Variants in CDKN2B-AS1 observed in about 807,000 individuals in gnomAD.
The protein encoded by CDKN2B-AS1 is CDKN2B and CDKN2A antisense cis and trans regulatory RNA 1.
At chr9:22,116,227 T>C (rs1825946610) in intron 4 of CDKN2B-AS1, among the ~76,000 whole-genome samples, 1 of 152,246 alleles carries the variant, frequency 6.6e-6, no homozygotes, top group Admixed American at 6.5e-5. Flanking sequence ...ATGATATGTA[T>C]ATCTGTTTGA....
At chr9:22,029,649 C>A in intron 1 of CDKN2B-AS1, 2 of 526,852 alleles carry the variant, frequency 3.8e-6, no homozygotes, top group Admixed American at 3.0e-5. Context: ...AAAAGAAGAG[C>A]CTTGGGGAAA....
intron 3 of CDKN2B-AS1, among the ~76,000 whole-genome samples, chr9:22,054,004 G>T (rs528220518): frequency 6.6e-6 from 1 of 152,140 alleles, no homozygotes; most frequent in African/African-American, 2.4e-5. Context: ...CCTGGGATAA[G>T]TTACTGACCC....
At chr9:22,063,004 G>T (rs188321257) in intron 4 of CDKN2B-AS1, among the ~76,000 whole-genome samples, 59,091 of 126,384 alleles carry the variant, frequency 0.47, 12,885 homozygotes, top group African/African-American at 0.6. Flanking sequence ...TATATAGAGA[G>T]AGAGAGAGAG....
At chr9:22,056,498 ACG>A (rs1205466629) in intron 4 of CDKN2B-AS1, 1 of 152,072 alleles carries the variant, frequency 6.6e-6, no homozygotes, top group Non-Finnish European at 1.5e-5. Context: ...AAAATAAAGG[ACG>A]GCTAAGTTTA....
At chr9:22,097,786 C>G (rs1259017989) in intron 4 of CDKN2B-AS1, among the ~76,000 whole-genome samples, 3 of 152,180 alleles carry the variant, frequency 2.0e-5, no homozygotes, top group African/African-American at 4.8e-5. Context: ...TGCTGCATTC[C>G]TCTAATCTCA....
intron 1 of CDKN2B-AS1, among the ~76,000 whole-genome samples, chr9:22,020,058 G>C (rs1487556519): frequency 6.6e-6 from 1 of 152,038 alleles, no homozygotes; most frequent in Non-Finnish European, 1.5e-5. Flanking sequence ...GGTGTGTGTT[G>C]TTCCCCTCTG....
At position 22,103,976 on chromosome 9, in the gene CDKN2B-AS1, C is replaced by T. The variant is rs796105534; in HGVS notation, n.439-23127C>T. Among the ~76,000 whole-genome samples the T allele has an allele frequency of 3.7e-4, 56 of 152,242 alleles. 1 individual carries two copies. Among genetic ancestry groups the T allele is most frequent in the African/African-American group, 1.1e-3 (47 of 41,540 alleles). ...AATTTTATCTATAAATATACATATA[C>T]GTAAATTCTATTGTGAAATAAAAAT... On this transcript the variant is annotated intron_variant and non_coding_transcript_variant, in intron 4 of 4. Coordinates refer to ENST00000650946, the Ensembl canonical transcript of CDKN2B-AS1.
chr9:22,002,964 T>A (rs1036450898), intron 1 of CDKN2B-AS1: 2 of 196,406 alleles, frequency 1.0e-5, no homozygotes, highest in Admixed American at 6.1e-5. Context: ...TGTCAGGTAG[T>A]AGAATTTGTA....
At chr9:22,108,104 A>G (rs1324171499) in intron 4 of CDKN2B-AS1, among the ~76,000 whole-genome samples, 2 of 152,144 alleles carry the variant, frequency 1.3e-5, no homozygotes, top group African/African-American at 2.4e-5. Flanking sequence ...TTTTTTTGTT[A>G]TATATTAGTT....
At chr9:22,027,215 G>A (rs184053662) in intron 1 of CDKN2B-AS1, among the ~76,000 whole-genome samples, 161 of 150,200 alleles carry the variant, frequency 1.1e-3, no homozygotes, top group African/African-American at 3.8e-3. Flanking sequence ...TTGATCTACC[G>A]CTTCTCTCTC....
At chr9:22,008,886 G>C (rs1399438560) in intron 1 of CDKN2B-AS1, 1 of 1,612,406 alleles carries the variant, frequency 6.2e-7, no homozygotes, top group East Asian at 2.2e-5. Flanking sequence ...TAGTCCCCGC[G>C]CCGCGGCGCT....
chr9:22,008,832 T>A lies in CDKN2B-AS1; in HGVS notation n.29+13671T>A, dbSNP rs375443156. 6 of 1,608,630 alleles carry A rather than the reference T, an allele frequency of 3.7e-6. No homozygotes were observed. The African/African-American group carries it at 8.0e-5, about 21-fold the overall frequency. ...GCGCCTCCCGAAACGGTTGACTCCG[T>A]TGGGATCCGCGCCGGCTTCCAGGAG... On this transcript the variant is annotated intron_variant and non_coding_transcript_variant, in intron 1 of 4. Coordinates refer to ENST00000650946, the Ensembl canonical transcript of CDKN2B-AS1.
chr9:22,016,083 G>A lies in CDKN2B-AS1; in HGVS notation n.29+20922G>A, dbSNP rs532171335. Among the ~76,000 whole-genome samples, 10 of 152,274 alleles carry A rather than the reference G, an allele frequency of 6.6e-5. 1 individual carries two copies. In the South Asian group the frequency reaches 2.1e-3, roughly 32 times the overall value. On this transcript the variant is annotated intron_variant and non_coding_transcript_variant, in intron 1 of 4. Coordinates refer to ENST00000650946, the Ensembl canonical transcript of CDKN2B-AS1. ...TGATGATAGTTTCTTTTGCTGTGCA[G>A]AAGCTCTTTAGTTTAATTAGATCCC...
At position 22,039,964 on chromosome 9, in the gene CDKN2B-AS1, T is replaced by C. The variant is rs1477131023; in HGVS notation, n.30-6787T>C. Among the ~76,000 whole-genome samples, 1 of 152,040 alleles carries C rather than the reference T, an allele frequency of 6.6e-6. No individual in the cohort carries two copies. The highest frequency in any genetic ancestry group is 2.4e-5 in the African/African-American group (1 of 41,442). On this transcript the variant is annotated intron_variant and non_coding_transcript_variant, in intron 1 of 4. Transcript: ENST00000650946. This position sits in a 1 kb window ranked among gnomAD's most constrained non-coding sequence, Gnocchi z 4.4. ...AAGGAGAATTTTGGCCATAGAGACATGCACTGGGAGAATGCTCTCTGAAGA... is the reference window on the plus strand; with the variant it reads ...AAGGAGAATTTTGGCCATAGAGACACGCACTGGGAGAATGCTCTCTGAAGA...
chr9:22,011,346 C>T (rs911219836), intron 1 of CDKN2B-AS1, among the ~76,000 whole-genome samples: 1 of 152,106 alleles, frequency 6.6e-6, no homozygotes, highest in Admixed American at 6.5e-5. Context: ...ATTTAGAAGA[C>T]GAGAAGAGAA....
chr9:22,096,950 T>G (rs190437390), intron 4 of CDKN2B-AS1, among the ~76,000 whole-genome samples: 113 of 152,232 alleles, frequency 7.4e-4, no homozygotes, highest in African/African-American at 2.7e-3. Context: ...CCTGCCCTTA[T>G]TTTTCTTTGC....
At position 22,005,645 on chromosome 9, in the gene CDKN2B-AS1, T is replaced by C. The variant is rs1249265000; in HGVS notation, n.29+10484T>C. ...AGTGGGAGATTCATCCATCGGAAGA[T>C]TCGTAGCCACCAGGTCCAGTCAAGG... On this transcript the variant is annotated intron_variant and non_coding_transcript_variant, in intron 1 of 4. Transcript: ENST00000650946. The surrounding 1 kb of genome is among the most constrained non-coding windows in gnomAD (Gnocchi z 4.9). The C allele has an allele frequency of 4.3e-6, 2 of 464,568 alleles. No homozygotes were observed. The highest frequency in any genetic ancestry group is 1.9e-5 in the African/African-American group (1 of 51,752). The allele number at this position is 464,568 out of a possible 1,614,324, so 28.8% of individuals were successfully genotyped here.
intron 1 of CDKN2B-AS1, among the ~76,000 whole-genome samples, chr9:22,014,897 A>G (rs199548806): frequency 1.3e-5 from 2 of 151,708 alleles, no homozygotes; most frequent in African/African-American, 4.8e-5. Context: ...TACTGAGAAT[A>G]ATGATTTCCA....
At chr9:22,048,129 A>T (rs573167730) in intron 2 of CDKN2B-AS1, among the ~76,000 whole-genome samples, 29 of 152,216 alleles carry the variant, frequency 1.9e-4, no homozygotes, top group African/African-American at 6.7e-4. Flanking sequence ...AACCCAAAAT[A>T]TGACATAAAT....
Sources: allele counts gnomAD v4.1 joint callset (sites outside exome capture counted in the v4.1 genomes callset), GRCh38; gene constraint gnomAD v4.1.1; non-coding constraint Gnocchi (gnomAD v3.1); transcripts MANE v1.5; gene names NCBI Gene and HGNC (gene_info 2026-07-23, HGNC 2026-07-21).